Variants in MERTK observed in about 807,000 individuals in gnomAD.
MERTK encodes MER proto-oncogene, tyrosine kinase, also known as tyrosine-protein kinase Mer.
In MERTK, 69 loss-of-function variants were observed where a neutral mutation model predicts 99.3. The observed-to-expected ratio is 0.70, with a 90% CI of 0.57 to 0.85. The LOEUF (loss-of-function observed/expected upper bound fraction) is 0.85. Ranked by LOEUF, MERTK falls within the 40% of genes least tolerant of loss-of-function variation. The pLI is 0.00. For synonymous variants in MERTK, 426 were observed against 467.6 expected, an observed-to-expected ratio of 0.91 and a Z score of 1.15; for missense variants, 1,125 against 1,249.4, an observed-to-expected ratio of 0.90 and a Z score of 1.50.
At chr2:112,005,920 C>T (rs768771052) in intron 13 of MERTK, among the ~76,000 whole-genome samples, 18 of 152,172 alleles carry the variant, frequency 1.2e-4, no homozygotes, top group Admixed American at 7.2e-4. Context: ...ATTGCTCTGT[C>T]GCCCAGGCTG....
chr2:111,922,027 G>T (rs1408550782), intron 1 of MERTK, among the ~76,000 whole-genome samples: 1 of 152,166 alleles, frequency 6.6e-6, no homozygotes, highest in Non-Finnish European at 1.5e-5. Flanking sequence ...TCTGGTAGAG[G>T]AGCTATTCCT....
rs542754788 is a variant in MERTK at position 111,955,805 on chromosome 2, C to T, written c.757+8238C>T. ...AATTTTATCATGGGCAAAACCAAATCCCAAAATAAAGAGCAGAACTGCAAA... is the reference window on the plus strand; with the variant it reads ...AATTTTATCATGGGCAAAACCAAATTCCAAAATAAAGAGCAGAACTGCAAA... On this transcript the variant is annotated intron_variant, in intron 4 of 18. Coordinates refer to ENST00000295408, the MANE Select transcript of MERTK (RefSeq NM_006343.3). 3.9e-5 allele frequency among the ~76,000 whole-genome samples: 6 copies of T among 152,096 alleles called. No individual in the cohort carries two copies. In the East Asian group the frequency reaches 1.2e-3, roughly 29 times the overall value.
At chr2:111,956,396 T>C (rs1261809406) in intron 4 of MERTK, among the ~76,000 whole-genome samples, 1 of 152,240 alleles carries the variant, frequency 6.6e-6, no homozygotes, top group Non-Finnish European at 1.5e-5. Flanking sequence ...AATTTTGACC[T>C]GCCTTTCTGT....
chr2:111,899,738 G>A (rs34983493), intron 1 of MERTK, among the ~76,000 whole-genome samples: 34,978 of 151,958 alleles, frequency 0.23, 4,343 homozygotes, highest in Middle Eastern at 0.37. Flanking sequence ...GGATGGTCTC[G>A]ATCTCTTGAC....
chr2:111,932,834 G>A (rs1015493937), intron 2 of MERTK, among the ~76,000 whole-genome samples: 1 of 152,150 alleles, frequency 6.6e-6, no homozygotes, highest in Non-Finnish European at 1.5e-5. Context: ...GGGTTGGAAT[G>A]TCTCTGGTCA....
At chr2:111,971,014 G>T (rs192612362) in intron 6 of MERTK, among the ~76,000 whole-genome samples, 48 of 152,182 alleles carry the variant, frequency 3.2e-4, no homozygotes, top group African/African-American at 1.2e-3. Flanking sequence ...AGTCTATTCA[G>T]ATTTTCTATT....
intron 6 of MERTK, among the ~76,000 whole-genome samples, chr2:111,972,584 T>C (rs1242975874): frequency 6.6e-6 from 1 of 152,188 alleles, no homozygotes; most frequent in Non-Finnish European, 1.5e-5. Context: ...TCCAGTGTTT[T>C]CTTGCCCACC....
At chr2:112,026,715 G>A (rs564747416) in intron 18 of MERTK, among the ~76,000 whole-genome samples, 10 of 152,304 alleles carry the variant, frequency 6.6e-5, no homozygotes, top group African/African-American at 2.2e-4. Flanking sequence ...TCCAGCTTCC[G>A]GATGCGTGTG....
chr2:111,951,548 T>TATATATATATATATAC (rs1491494901), intron 4 of MERTK, among the ~76,000 whole-genome samples: 1 of 118,914 alleles, frequency 8.4e-6, no homozygotes, highest in Non-Finnish European at 1.8e-5. Flanking sequence ...TATATATATA[T>TATATATATATATATAC]ACCATAATTT....
intron 11 of MERTK, 74 bp from the exon 12 acceptor site, chr2:112,003,018 T>C (rs1378596548): frequency 1.3e-6 from 1 of 768,694 alleles, no homozygotes; most frequent in Non-Finnish European, 2.4e-6. Context: ...TACAGGACTT[T>C]ATTTCATTTT....
chr2:111,926,124 C>G (rs867555525), intron 1 of MERTK, among the ~76,000 whole-genome samples: 1 of 152,128 alleles, frequency 6.6e-6, no homozygotes, highest in African/African-American at 2.4e-5. Flanking sequence ...AGCCACTGCG[C>G]CCAGCCCCAG....
At chr2:111,906,999 G>A (rs768767957) in intron 1 of MERTK, among the ~76,000 whole-genome samples, 41 of 152,230 alleles carry the variant, frequency 2.7e-4, no homozygotes, top group Middle Eastern at 3.4e-3. Flanking sequence ...CTCCCATGCC[G>A]TTTGGGACAC....
chr2:111,915,301 T>C (rs1444369437), intron 1 of MERTK, among the ~76,000 whole-genome samples: 1 of 152,182 alleles, frequency 6.6e-6, no homozygotes, highest in Non-Finnish European at 1.5e-5. Context: ...TAGAGGTTTG[T>C]TAATTTTATT....
At chr2:111,957,029 G>A (rs1001201226) in intron 4 of MERTK, among the ~76,000 whole-genome samples, 1 of 149,478 alleles carries the variant, frequency 6.7e-6, no homozygotes, top group Admixed American at 6.7e-5. Flanking sequence ...CCGGGTTCAC[G>A]CCATTGTCCT....
chr2:111,995,459 C>A (rs1294609151), intron 9 of MERTK: 2 of 188,340 alleles, frequency 1.1e-5, no homozygotes, highest in Admixed American at 4.2e-5. Flanking sequence ...ACCTTTGTAC[C>A]CAATAGCAGA....
intron 16 of MERTK, among the ~76,000 whole-genome samples, chr2:112,019,845 C>A (rs1461283328): frequency 6.6e-6 from 1 of 152,172 alleles, no homozygotes; most frequent in South Asian, 2.1e-4. Flanking sequence ...GTTATGTGTA[C>A]GTCAGCTCCT....
In MERTK at chr2:111,943,487, C is replaced by T. The variant is rs1250319031; in HGVS notation, c.483-1473C>T. Among the ~76,000 whole-genome samples the T allele has an allele frequency of 2.0e-5, 3 of 152,144 alleles. 1 individual carries two copies. The highest frequency in any genetic ancestry group is 1.5e-5 in the Non-Finnish European group (1 of 67,994). On this transcript the variant is annotated intron_variant, in intron 2 of 18. Coordinates refer to ENST00000295408, the MANE Select transcript of MERTK (RefSeq NM_006343.3). ...CCAGGAGTTCAAGGCTGCAGTGAGC[C>T]ATGATGGTGCAACTGCACTCCAGCT...
rs1383206456 is a variant in MERTK at position 111,899,966 on chromosome 2, A to G, written c.61+1170A>G. Among the ~76,000 whole-genome samples the G allele has an allele frequency of 2.6e-5, 4 of 152,218 alleles. 1 individual carries two copies. Among genetic ancestry groups the G allele is most frequent in the Admixed American group, 6.5e-5 (1 of 15,292 alleles). On this transcript the variant is annotated intron_variant, in intron 1 of 18. Transcript: ENST00000295408. ...GCACTTCTTGAGGAGGCTGGAATAA[A>G]CTTACCAGGCTTTACCCAAAAGAAA...
intron 1 of MERTK, among the ~76,000 whole-genome samples, chr2:111,912,550 G>C (rs923996129): frequency 6.6e-6 from 1 of 152,114 alleles, no homozygotes; most frequent in Non-Finnish European, 1.5e-5. Flanking sequence ...TGGAAACACT[G>C]AGTTGTAGGT....
Sources: gnomAD v4.1 joint callset for allele counts (sites outside exome capture counted in the v4.1 genomes callset) on GRCh38, gnomAD v4.1.1 for gene constraint, MANE v1.5 for transcripts, NCBI Gene and HGNC (gene_info 2026-07-23, HGNC 2026-07-21) for gene names.